Variants in TRIO observed in about 807,000 individuals in gnomAD.
TRIO encodes the protein triple functional domain protein.
In TRIO, 58 loss-of-function variants were observed where a neutral mutation model predicts 351.9. The ratio of observed to expected loss-of-function variants is 0.16; its 90% CI spans 0.13 to 0.21. The LOEUF (loss-of-function observed/expected upper bound fraction) is 0.21, where lower values mean the gene tolerates loss of function less well. TRIO is among the 10% of genes least tolerant of loss of function. TRIO has a pLI of 1.00. For synonymous variants in TRIO, 1,758 were observed against 1,595.7 expected (o/e 1.10, Z -2.42); for missense variants, 3,201 against 4,027.8 (o/e 0.79, Z 5.56).
At chr5:14,498,442 C>G in intron 52 of TRIO, 77 bp from the exon 53 acceptor site, 1 of 1,552,096 alleles carries the variant, frequency 6.4e-7, no homozygotes, top group East Asian at 2.4e-5. Flanking sequence ...TTCCCTTGAT[C>G]CTGAAGGAGG....
At chr5:14,307,701 A>C (rs2152298393) in intron 8 of TRIO, among the ~76,000 whole-genome samples, 1 of 152,162 alleles carries the variant, frequency 6.6e-6, no homozygotes, top group South Asian at 2.1e-4. Context: ...GTGGGCAGCT[A>C]CTCTAATAGA....
At chr5:14,427,349 C>T (rs1249732185) in intron 34 of TRIO, among the ~76,000 whole-genome samples, 1 of 152,178 alleles carries the variant, frequency 6.6e-6, no homozygotes, top group Non-Finnish European at 1.5e-5. Flanking sequence ...CCCCATGGCA[C>T]AGATGAGACA....
intron 5 of TRIO, 115 bp downstream of exon 5, chr5:14,291,343 G>A: frequency 1.8e-6 from 2 of 1,118,626 alleles, no homozygotes; most frequent in Non-Finnish European, 2.5e-6. Flanking sequence ...CACCGTGTGT[G>A]CTCTAAACCA....
At chr5:14,479,880 A>T in intron 42 of TRIO, 39 bp from the exon 43 acceptor site, 1 of 1,597,056 alleles carries the variant, frequency 6.3e-7, no homozygotes, top group Non-Finnish European at 8.6e-7. Flanking sequence ...CCCTTTAATG[A>T]ACAGCCCATA....
intron 36 of TRIO, among the ~76,000 whole-genome samples, chr5:14,463,360 A>G (rs1483147053): frequency 2.0e-5 from 3 of 152,220 alleles, no homozygotes; most frequent in Admixed American, 6.5e-5. Flanking sequence ...ATGAGGTTAC[A>G]TCACTGTCCA....
intron 1 of TRIO, among the ~76,000 whole-genome samples, chr5:14,258,471 T>C (rs1327340090): frequency 6.6e-6 from 1 of 152,176 alleles, no homozygotes; most frequent in Non-Finnish European, 1.5e-5. Flanking sequence ...TTCCCTGTGC[T>C]TTTTAGTAGA....
At chr5:14,236,832 T>A (rs1188552454) in intron 1 of TRIO, among the ~76,000 whole-genome samples, 1 of 152,066 alleles carries the variant, frequency 6.6e-6, no homozygotes, top group Non-Finnish European at 1.5e-5. Context: ...GCCCTTACCC[T>A]TCACCCCTCC....
rs1018447249 is a variant in TRIO at position 14,222,521 on chromosome 5, A to G, written c.158-48304A>G. Among the ~76,000 whole-genome samples, 3 of 152,304 alleles carry G rather than the reference A, an allele frequency of 2.0e-5. No homozygotes were observed. The East Asian group carries it at 5.8e-4, about 29-fold the overall frequency. ...GTAAATCATCTGCTCTGAGACAAAC[A>G]CTAAGAATAAAAGAAGCTGGGAAGC... On this transcript the variant is annotated intron_variant, in intron 1 of 56. Coordinates refer to ENST00000344204, the MANE Select transcript of TRIO (RefSeq NM_007118.4).
chr5:14,397,237 A>G (rs1322453689), intron 29 of TRIO, 83 bp downstream of exon 29: 5 of 1,107,518 alleles, frequency 4.5e-6, no homozygotes, highest in Non-Finnish European at 6.5e-6. Context: ...AACCCTAAAA[A>G]TCCCCGCTTT....
chr5:14,460,542 T>A (rs146396656), intron 34 of TRIO, among the ~76,000 whole-genome samples: 1 of 152,362 alleles, frequency 6.6e-6, no homozygotes, highest in African/African-American at 2.4e-5. Flanking sequence ...CTAATGCACT[T>A]CTGCGACAGG....
chr5:14,150,765 T>TAA, intron 1 of TRIO, among the ~76,000 whole-genome samples: 1 of 152,350 alleles, frequency 6.6e-6, no homozygotes, highest in South Asian at 2.1e-4. Context: ...AGATTTTATA[T>TAA]CGATTTGAAA....
At chr5:14,190,429 T>A (rs952508310) in intron 1 of TRIO, among the ~76,000 whole-genome samples, 1 of 152,154 alleles carries the variant, frequency 6.6e-6, no homozygotes, top group African/African-American at 2.4e-5. Flanking sequence ...GTGAACCCCT[T>A]TGTGCATAAG....
chr5:14,368,402 T>G (rs1171849632), intron 16 of TRIO, among the ~76,000 whole-genome samples: 1 of 152,160 alleles, frequency 6.6e-6, no homozygotes, highest in African/African-American at 2.4e-5. Flanking sequence ...TTCAACCACT[T>G]CTTTGGCTGT....
intron 1 of TRIO, among the ~76,000 whole-genome samples, chr5:14,212,118 G>A (rs944822166): frequency 1.3e-5 from 2 of 152,006 alleles, no homozygotes; most frequent in African/African-American, 4.8e-5. Context: ...CAGCCTGGGC[G>A]ACAGAGTGAG....
At chr5:14,484,998 G>T in intron 46 of TRIO, 71 bp from the exon 47 acceptor site, 2 of 1,408,634 alleles carry the variant, frequency 1.4e-6, no homozygotes, top group Non-Finnish European at 1.9e-6. Context: ...TCCATTCATC[G>T]GTCAGTGGAC....
chr5:14,508,227 G>A lies in TRIO; in HGVS notation c.9099G>A (p.Glu3033=). ...AGTTCGTGTGCTTCCTCCTGCAGGA[G>A]GACCCCGCCAAGCGTCCCTCGGCTG... ...AKEFVCFLLQ[E]DPAKRPSAAL... is the part of the protein sequence containing the mutation. The change falls in exon 57 of 57, where the codon GAG becomes GAA. Residue 3033 remains glutamate (E), a synonymous_variant. Transcript: ENST00000344204. The A allele has an allele frequency of 1.2e-6, 2 of 1,614,084 alleles. No individual in the cohort carries two copies. Among genetic ancestry groups the A allele is most frequent in the Non-Finnish European group, 1.7e-6 (2 of 1,180,040 alleles).
At chr5:14,192,986 A>G (rs778589130) in intron 1 of TRIO, among the ~76,000 whole-genome samples, 3 of 152,238 alleles carry the variant, frequency 2.0e-5, no homozygotes, top group Admixed American at 6.5e-5. Context: ...GGAAAACGAT[A>G]TTTTAGAAAG....
At chr5:14,249,093 C>A (rs889862606) in intron 1 of TRIO, among the ~76,000 whole-genome samples, 26 of 152,166 alleles carry the variant, frequency 1.7e-4, no homozygotes, top group Non-Finnish European at 1.5e-5. Context: ...GCAGTGCTAA[C>A]CTTGGCTGGA....
In TRIO at chr5:14,357,298, G is replaced by T. The variant is rs75591619; in HGVS notation, c.2047-880G>T. 9.1e-3 allele frequency among the ~76,000 whole-genome samples: 1,379 copies of T among 152,306 alleles called. 24 individuals are homozygous for T. Among genetic ancestry groups the T allele is most frequent in the African/African-American group, 0.031 (1,308 of 41,566 alleles). On this transcript the variant is annotated intron_variant, in intron 11 of 56. Transcript: ENST00000344204. ...TAGACATACAGAAGATGCGTGAGCT[G>T]ACTCTTAGTCCCTGAGGAGGCTGAA... is the stretch of plus-strand genomic sequence containing the variant.
Sources: allele counts gnomAD v4.1 joint callset (sites outside exome capture counted in the v4.1 genomes callset), GRCh38; gene constraint gnomAD v4.1.1; transcripts MANE v1.5; gene names NCBI Gene and HGNC (gene_info 2026-07-23, HGNC 2026-07-21).